Variants in CCDC7 observed in about 807,000 individuals in gnomAD.
The protein encoded by CCDC7 is coiled-coil domain-containing protein 7.
In CCDC7, 183 loss-of-function variants were observed where a neutral mutation model predicts 196.9. The observed-to-expected ratio is 0.93, with a 90% CI of 0.82 to 1.05. CCDC7 has a LOEUF of 1.05. Ranked by LOEUF, CCDC7 falls within the 50% of genes least tolerant of loss-of-function variation. The pLI, the probability that CCDC7 is intolerant of heterozygous loss-of-function variation, is 0.00. For synonymous variants in CCDC7, 525 were observed against 484.6 expected, an observed-to-expected ratio of 1.08 and a Z score of -1.10; for missense variants, 1,540 against 1,482.2, an observed-to-expected ratio of 1.04 and a Z score of -0.64.
chr10:32,444,665 G>A (rs961666405), upstream of CCDC7, among the ~76,000 whole-genome samples: 3 of 152,024 alleles, frequency 2.0e-5, no homozygotes, highest in East Asian at 1.9e-4. Flanking sequence ...CAACGGTTTT[G>A]GGAGATTTGG....
intron 10 of CCDC7, 91 bp downstream of exon 11, chr10:32,518,066 A>G: frequency 7.1e-7 from 1 of 1,406,976 alleles, no homozygotes; most frequent in Non-Finnish European, 9.5e-7. Context: ...TCCTATATAA[A>G]GATCCAATCC....
At chr10:32,459,646 ATTTTTTTTTTTT>A (rs60002951) in intron 3 of CCDC7, among the ~76,000 whole-genome samples, 56 of 68,744 alleles carry the variant, frequency 8.1e-4, no homozygotes, top group African/African-American at 2.9e-3. Flanking sequence ...CCTGCTGCAC[ATTTTTTTTTTTT>A]TTTTTTTTTT....
chr10:32,838,288 T>C (rs1274934931), intron 33 of CCDC7, among the ~76,000 whole-genome samples: 2 of 151,998 alleles, frequency 1.3e-5, no homozygotes, highest in Non-Finnish European at 2.9e-5. Context: ...CCAAGGTTGA[T>C]TTCTGGTGAT....
In CCDC7 at chr10:32,461,709, G is replaced by GTATATATA. The variant is rs771403958; in HGVS notation, c.457-960_457-953dup. 8.7e-5 allele frequency among the ~76,000 whole-genome samples: 5 copies of GTATATATA among 57,482 alleles called. 1 individual carries two copies. The highest frequency in any genetic ancestry group is 3.1e-4 in the African/African-American group (4 of 12,790). 37.7% of individuals were successfully genotyped at this position (57,482 alleles called of 152,430 possible). Reference sequence around the variant, plus strand: ...TACATATATGTGTGTGTGTGTGTGTGTATATATATATATATATATATGTAT... The same window carrying GTATATATA: ...TACATATATGTGTGTGTGTGTGTGTGTATATATATATATATATATATATATATATGTAT... On this transcript the variant is annotated intron_variant, in intron 3 of 41. Transcript: ENST00000639629.
At chr10:32,660,318 T>C (rs2071035753) in intron 20 of CCDC7, among the ~76,000 whole-genome samples, 4 of 138,062 alleles carry the variant, frequency 2.9e-5, no homozygotes. Context: ...ATGTTCCCCT[T>C]CCTGTGTCCA....
chr10:32,754,408 T>C (rs933081445), intron 28 of CCDC7, among the ~76,000 whole-genome samples: 1 of 152,180 alleles, frequency 6.6e-6, no homozygotes, highest in Non-Finnish European at 1.5e-5. Flanking sequence ...CATAGGGAGA[T>C]ATTTCATGCT....
At chr10:32,558,851 G>A (rs144009791) in intron 13 of CCDC7, among the ~76,000 whole-genome samples, 6,926 of 152,324 alleles carry the variant, frequency 0.045, 214 homozygotes, top group Non-Finnish European at 0.073. Context: ...TGCGTGAGCC[G>A]AAGCAGGGCG....
chr10:32,742,097 T>C (rs2085951863), intron 28 of CCDC7, among the ~76,000 whole-genome samples: 1 of 152,228 alleles, frequency 6.6e-6, no homozygotes, highest in Non-Finnish European at 1.5e-5. Flanking sequence ...GAACATCTTT[T>C]CCTTTTAACT....
chr10:32,763,897 A>G (rs572667810), intron 28 of CCDC7, among the ~76,000 whole-genome samples: 13 of 152,046 alleles, frequency 8.6e-5, no homozygotes, highest in African/African-American at 2.6e-4. Context: ...CTGGACAGCT[A>G]CTGTATAGCA....
At chr10:32,800,723 G>A (rs1240674156) in intron 29 of CCDC7, among the ~76,000 whole-genome samples, 3 of 152,182 alleles carry the variant, frequency 2.0e-5, no homozygotes, top group Non-Finnish European at 4.4e-5. Context: ...TCCTCAAGGG[G>A]ATCCAGCCTT....
intron 20 of CCDC7, among the ~76,000 whole-genome samples, chr10:32,660,287 C>T (rs575485842): frequency 1.5e-5 from 2 of 137,358 alleles, no homozygotes; most frequent in African/African-American, 5.5e-5. Context: ...CCCCCCACCC[C>T]ACAACAGTCC....
At chr10:32,503,560 T>C (rs1455952741) in intron 9 of CCDC7, among the ~76,000 whole-genome samples, 2 of 152,222 alleles carry the variant, frequency 1.3e-5, no homozygotes, top group Admixed American at 6.5e-5. Flanking sequence ...GATTTTTACA[T>C]CTATATTCAT....
chr10:32,766,043 A>G (rs145907248), intron 28 of CCDC7, among the ~76,000 whole-genome samples: 5,386 of 152,136 alleles, frequency 0.035, 116 homozygotes, highest in Non-Finnish European at 0.05. Flanking sequence ...CTTGTTTATT[A>G]TATTGATGAT....
chr10:32,519,584 A>G (rs981214533), intron 11 of CCDC7, among the ~76,000 whole-genome samples: 14 of 152,038 alleles, frequency 9.2e-5, no homozygotes, highest in African/African-American at 3.1e-4. Context: ...CATTTAAAAA[A>G]ATTTTTATTT....
intron 32 of CCDC7, among the ~76,000 whole-genome samples, chr10:32,830,477 G>A (rs2092048410): frequency 1.3e-5 from 2 of 151,876 alleles, no homozygotes; most frequent in Non-Finnish European, 2.9e-5. Flanking sequence ...ATAGCAGGGA[G>A]CAACTACAAA....
At chr10:32,649,549 A>T (rs182969154) in intron 20 of CCDC7, among the ~76,000 whole-genome samples, 1 of 152,218 alleles carries the variant, frequency 6.6e-6, no homozygotes, top group East Asian at 1.9e-4. Context: ...TATTTCTTGG[A>T]TTTGCATGTT....
At chr10:32,691,631 A>G (rs1223061052) in intron 23 of CCDC7, among the ~76,000 whole-genome samples, 1 of 152,252 alleles carries the variant, frequency 6.6e-6, no homozygotes, top group Non-Finnish European at 1.5e-5. Flanking sequence ...TCTTGTCATT[A>G]CTGTCCTCAC....
chr10:32,570,781 C>A (rs747257822), intron 15 of CCDC7, among the ~76,000 whole-genome samples: 3 of 152,094 alleles, frequency 2.0e-5, no homozygotes, highest in Non-Finnish European at 2.9e-5. Context: ...TGTAGACTAA[C>A]AATGTGTCTA....
intron 28 of CCDC7, among the ~76,000 whole-genome samples, chr10:32,757,107 C>A (rs2133697593): frequency 6.6e-6 from 1 of 152,214 alleles, no homozygotes; most frequent in East Asian, 1.9e-4. Flanking sequence ...TAAAGCAAGT[C>A]CTTAGAGACC....
Sources: gnomAD v4.1 joint callset for allele counts (sites outside exome capture counted in the v4.1 genomes callset) on GRCh38, gnomAD v4.1.1 for gene constraint, MANE v1.5 for transcripts, NCBI Gene and HGNC (gene_info 2026-07-23, HGNC 2026-07-21) for gene names.